Variants in HABP2 observed in about 807,000 individuals in gnomAD.
HABP2 encodes the protein factor VII-activating protease.
A neutral mutation model predicts 66.5 loss-of-function variants in HABP2; 65 were observed. That is an observed-to-expected ratio of 0.98 (90% CI 0.80 to 1.20). HABP2 has a LOEUF of 1.20. Among genes scored for constraint, HABP2 ranks in the 50% most tolerant of loss-of-function variants. The pLI, the probability that HABP2 is intolerant of heterozygous loss-of-function variation, is 0.00. For synonymous variants in HABP2, 263 were observed against 253.9 expected (o/e 1.04, Z -0.34); for missense variants, 786 against 691.0 (o/e 1.14, Z -1.54).
intron 9 of HABP2, among the ~76,000 whole-genome samples, 187 bp downstream of exon 9, chr10:113,582,318 C>G (rs1845554324): frequency 6.6e-6 from 1 of 152,218 alleles, no homozygotes; most frequent in African/African-American, 2.4e-5. Flanking sequence ...ACCATGGGCA[C>G]TGCATTTATT....
In HABP2 at chr10:113,585,870, G is replaced by C. The variant is rs1395163658; in HGVS notation, c.1450G>C (p.Asp484His). 6.2e-7 allele frequency: 1 copy of C among 1,613,682 alleles called. No individual in the cohort carries two copies. The highest frequency in any genetic ancestry group is 8.5e-7 in the Non-Finnish European group (1 of 1,179,674). ...NTLCNSRQLY[D>H]HMIDDSMICA... ...TTTGTGCAACTCCCGCCAACTCTAT[G>C]ACCACATGATTGATGACAGTATGAT... The change falls in exon 12 of 13, where the codon GAC (aspartate) becomes CAC (histidine). Residue 484 changes from aspartate (D) to histidine (H), a missense_variant. By Grantham distance (81) the Asp-to-His change is moderately conservative. Coordinates refer to ENST00000351270, the MANE Select transcript of HABP2 (RefSeq NM_004132.5).
At position 113,583,209 on chromosome 10, in the gene HABP2, C is replaced by A. The variant is rs1564680650; in HGVS notation, c.1095-7C>A. 1 of 1,613,500 alleles carries A rather than the reference C, an allele frequency of 6.2e-7. No homozygotes were observed. Among genetic ancestry groups the A allele is most frequent in the Non-Finnish European group, 8.5e-7 (1 of 1,179,712 alleles). The stretch of plus-strand genomic sequence containing the variant: ...TGCCTTCCTGACCATCTCATTTTCC[C>A]TTGCAGCATAAAAACCAGACATCTA... On this transcript the variant is annotated splice_region_variant and splice_polypyrimidine_tract_variant and intron_variant, in intron 9 of 12. Coordinates refer to ENST00000351270, the MANE Select transcript of HABP2 (RefSeq NM_004132.5).
chr10:113,588,605 A>C lies in HABP2; in HGVS notation c.*236A>C, dbSNP rs765311952. 60 of 541,502 alleles carry C rather than the reference A, an allele frequency of 1.1e-4. No individual in the cohort carries two copies. The highest frequency in any genetic ancestry group is 1.7e-4 in the Non-Finnish European group (51 of 308,974). 33.5% of individuals were successfully genotyped at this position (541,502 alleles called of 1,614,324 possible). A position where few individuals can be genotyped will look rare whatever the true frequency, so the allele number is the denominator to read the frequency against. ...CAAGGAATGATGGAATCAACACAAC[A>C]TAGTATGTTTGCTTTCCTTACCCAA... On this transcript the variant is annotated 3_prime_UTR_variant, in exon 13 of 13. Transcript: ENST00000351270.
intron 1 of HABP2, among the ~76,000 whole-genome samples, chr10:113,555,156 C>T (rs1844968772): frequency 6.6e-6 from 1 of 152,178 alleles, no homozygotes; most frequent in African/African-American, 2.4e-5. Context: ...GAGTGCTAGC[C>T]CCTGAACTTT....
intron 1 of HABP2, among the ~76,000 whole-genome samples, chr10:113,563,805 A>G (rs1845145453): frequency 6.6e-6 from 1 of 152,108 alleles, no homozygotes; most frequent in Non-Finnish European, 1.5e-5. Flanking sequence ...GACATGGCCC[A>G]CCCTGTTCGG....
intron 4 of HABP2, among the ~76,000 whole-genome samples, chr10:113,576,329 C>A (rs1157684057): frequency 6.6e-6 from 1 of 152,136 alleles, no homozygotes; most frequent in South Asian, 2.1e-4. Context: ...ATGTTGTCCT[C>A]AAATGGGAGA....
At chr10:113,574,487 C>A in intron 3 of HABP2, 82 bp downstream of exon 3, 1 of 707,058 alleles carries the variant, frequency 1.4e-6, no homozygotes, top group Non-Finnish European at 2.6e-6. Flanking sequence ...AAGGGCCTCT[C>A]TCTCCGCCTC....
At chr10:113,575,601 G>A (rs1020936962) in intron 3 of HABP2, among the ~76,000 whole-genome samples, 4 of 152,090 alleles carry the variant, frequency 2.6e-5, no homozygotes, top group Non-Finnish European at 5.9e-5. Context: ...ACACTGATGA[G>A]GGAAAAGGGG....
intron 6 of HABP2, among the ~76,000 whole-genome samples, chr10:113,578,384 G>GT (rs1341768418): frequency 6.6e-6 from 1 of 152,184 alleles, no homozygotes; most frequent in African/African-American, 2.4e-5. Flanking sequence ...CCTTCCATCA[G>GT]TTCTTGTGTG....
At chr10:113,586,517 T>A (rs1366822096) in intron 12 of HABP2, among the ~76,000 whole-genome samples, 1 of 148,284 alleles carries the variant, frequency 6.7e-6, no homozygotes, top group African/African-American at 2.5e-5. Flanking sequence ...ACTAAGTATA[T>A]CTGTAGCCTA....
chr10:113,575,406 T>G (rs1845390387), intron 3 of HABP2, among the ~76,000 whole-genome samples: 1 of 152,228 alleles, frequency 6.6e-6, no homozygotes, highest in Non-Finnish European at 1.5e-5. Context: ...TCTGTCACCC[T>G]CTTGCCTTTG....
At chr10:113,558,026 G>T (rs894686965) in intron 1 of HABP2, among the ~76,000 whole-genome samples, 1 of 152,194 alleles carries the variant, frequency 6.6e-6, no homozygotes, top group African/African-American at 2.4e-5. Context: ...AGATCATCAT[G>T]CCTGGCACTG....
chr10:113,558,558 GA>G (rs1247820031), intron 1 of HABP2, among the ~76,000 whole-genome samples: 4 of 152,348 alleles, frequency 2.6e-5, no homozygotes, highest in African/African-American at 9.6e-5. Context: ...CCTGAGAAAA[GA>G]AAGACTTTCT....
chr10:113,585,748 C>T, intron 11 of HABP2, 45 bp from the exon 12 acceptor site: 2 of 1,544,104 alleles, frequency 1.3e-6, no homozygotes, highest in Non-Finnish European at 1.8e-6. Context: ...TGGTGCCACC[C>T]TGGTCCCCAC....
intron 1 of HABP2, among the ~76,000 whole-genome samples, chr10:113,556,546 CA>C (rs1041274677): frequency 1.5e-4 from 23 of 151,740 alleles, no homozygotes; most frequent in African/African-American, 5.3e-4. Flanking sequence ...CTGTCTCTAT[CA>C]AAAAAAATTT....
At chr10:113,583,987 G>C (rs1386390998) in intron 10 of HABP2, among the ~76,000 whole-genome samples, 161 bp from the exon 11 acceptor site, 1 of 152,094 alleles carries the variant, frequency 6.6e-6, no homozygotes, top group African/African-American at 2.4e-5. Context: ...CTCCTTCCTG[G>C]GTGGAAGTTC....
chr10:113,553,922 A>G (rs958548330), intron 1 of HABP2, among the ~76,000 whole-genome samples: 13 of 152,188 alleles, frequency 8.5e-5, no homozygotes, highest in African/African-American at 3.1e-4. Flanking sequence ...CTCTGTGGGC[A>G]TGGAAAGAGG....
At chr10:113,565,436 G>A (rs1309935109) in intron 1 of HABP2, among the ~76,000 whole-genome samples, 1 of 152,178 alleles carries the variant, frequency 6.6e-6, no homozygotes, top group Non-Finnish European at 1.5e-5. Flanking sequence ...ATGGCAAAAG[G>A]GAAAGGGGAG....
intron 12 of HABP2, 112 bp from the exon 13 acceptor site, chr10:113,588,093 G>C: frequency 1.3e-6 from 1 of 761,054 alleles, no homozygotes; most frequent in South Asian, 2.3e-5. Flanking sequence ...AGCCCACGGA[G>C]GCTGGCAAGG....
Sources: gnomAD v4.1 joint callset for allele counts (sites outside exome capture counted in the v4.1 genomes callset) on GRCh38, gnomAD v4.1.1 for gene constraint, MANE v1.5 for transcripts, NCBI Gene and HGNC (gene_info 2026-07-23, HGNC 2026-07-21) for gene names.